Variants in GALNT2 observed in about 807,000 individuals in gnomAD.
GALNT2 encodes the protein UDP-GalNAc:polypeptide N-acetylgalactosaminyltransferase 2.
GALNT2 carries 31 observed loss-of-function variants against 81.4 expected under a neutral mutation model. The ratio of observed to expected loss-of-function variants is 0.38; its 90% CI spans 0.29 to 0.51. The LOEUF is 0.51. Among genes scored for constraint, GALNT2 ranks in the 20% least tolerant of loss-of-function variants. GALNT2 has a pLI of 0.87. For missense variants in GALNT2, 629 were observed against 765.7 expected (o/e 0.82, Z 2.11); for synonymous variants, 303 against 287.4 (o/e 1.05, Z -0.55).
At chr1:230,251,326 CAG>C (rs1665539322) in intron 10 of GALNT2, among the ~76,000 whole-genome samples, 1 of 151,996 alleles carries the variant, frequency 6.6e-6, no homozygotes, top group Non-Finnish European at 1.5e-5. Flanking sequence ...CCCTGGAGGA[CAG>C]GGGAGAAGGA....
At chr1:230,136,261 A>G (rs1661534821) in intron 1 of GALNT2, among the ~76,000 whole-genome samples, 1 of 152,138 alleles carries the variant, frequency 6.6e-6, no homozygotes, top group African/African-American at 2.4e-5. Context: ...TTTTAGTGCC[A>G]CGTTGATTGG....
chr1:230,210,422 G>C (rs755766489), intron 3 of GALNT2, among the ~76,000 whole-genome samples: 1 of 152,120 alleles, frequency 6.6e-6, no homozygotes, highest in Non-Finnish European at 1.5e-5. Context: ...GGTTTCAAAC[G>C]TTTAGTTATT....
In GALNT2 at chr1:230,242,519, A is replaced by G. The variant is rs1324073241; in HGVS notation, c.608-787A>G. On this transcript the variant is annotated intron_variant, in intron 6 of 15. Transcript: ENST00000366672. ...CACAACATCCAGGGATAAATATACT[A>G]TTATTTATTTTATTTTATTTTTTAT... 6.6e-5 allele frequency among the ~76,000 whole-genome samples: 10 copies of G among 152,108 alleles called. No homozygotes were observed. The East Asian group carries it at 1.9e-3, about 29-fold the overall frequency.
At chr1:230,087,973 C>T (rs552679003) in intron 1 of GALNT2, among the ~76,000 whole-genome samples, 1 of 152,246 alleles carries the variant, frequency 6.6e-6, no homozygotes, top group South Asian at 2.1e-4. Flanking sequence ...AAGAAAAATA[C>T]AAGTTTTCTT....
At chr1:230,174,430 C>T (rs1342108192) in intron 1 of GALNT2, among the ~76,000 whole-genome samples, 2 of 152,146 alleles carry the variant, frequency 1.3e-5, no homozygotes, top group African/African-American at 4.8e-5. Flanking sequence ...GCAGATGCCT[C>T]CTCTTGGTAT....
rs891591687 is a variant in GALNT2 at position 230,278,047 on chromosome 1, G to A, written c.1561-1256G>A. On this transcript the variant is annotated intron_variant, in intron 15 of 15. Transcript: ENST00000366672. ...AACGAGCTTTGGGGAAGAAAAAAAT[G>A]TTACTTTTTTTTTTTAAGAACAAAC... Among the ~76,000 whole-genome samples the A allele has an allele frequency of 5.4e-5, 8 of 146,920 alleles. No homozygotes were observed. The South Asian group carries it at 1.7e-3, about 32-fold the overall frequency.
At chr1:230,195,854 G>T (rs1663678455) in intron 2 of GALNT2, among the ~76,000 whole-genome samples, 1 of 152,130 alleles carries the variant, frequency 6.6e-6, no homozygotes, top group South Asian at 2.1e-4. Flanking sequence ...TGAGTTTGGG[G>T]CTTGCAGGGG....
Position 230,090,789 on chromosome 1 carries a change from T to C in GALNT2, c.126+23383T>C, listed in dbSNP as rs933947435. Among the ~76,000 whole-genome samples, 5 of 152,212 alleles carry C rather than the reference T, an allele frequency of 3.3e-5. No homozygotes were observed. The East Asian group carries it at 5.8e-4, about 18-fold the overall frequency. On this transcript the variant is annotated intron_variant, in intron 1 of 15. Transcript: ENST00000366672. ...TGTGTAAATCACAGGTAATTAAATATGAGTTAAAGTAAGAGAGAGACCCTT... is the reference window on the plus strand; with the variant it reads ...TGTGTAAATCACAGGTAATTAAATACGAGTTAAAGTAAGAGAGAGACCCTT...
chr1:230,139,311 C>T (rs1661654696), intron 1 of GALNT2, among the ~76,000 whole-genome samples: 1 of 152,196 alleles, frequency 6.6e-6, no homozygotes. Flanking sequence ...ATCGTTGAAG[C>T]CAAGTGCTCC....
At chr1:230,237,007 C>A (rs1440203684) in intron 6 of GALNT2, among the ~76,000 whole-genome samples, 1 of 152,116 alleles carries the variant, frequency 6.6e-6, no homozygotes, top group Non-Finnish European at 1.5e-5. Flanking sequence ...TCTTATCAGT[C>A]CCTTGAATAC....
chr1:230,124,645 T>C (rs1661118214), intron 1 of GALNT2, among the ~76,000 whole-genome samples: 1 of 152,216 alleles, frequency 6.6e-6, no homozygotes, highest in Admixed American at 6.5e-5. Context: ...CTGCTGTTCC[T>C]GAACAATCTG....
chr1:230,091,723 C>T (rs1660088900), intron 1 of GALNT2: 2 of 152,294 alleles, frequency 1.3e-5, no homozygotes, highest in Admixed American at 1.3e-4. Flanking sequence ...TTGGTCCTTC[C>T]TGTTGGCTTC....
rs543990133 is a variant in GALNT2, at chr1:230,119,262, C to G, written c.126+51856C>G. ...TGGTCATTTCATTGACTTGTGCGTA[C>G]AGGTTTTTGTGAAGGGAGCTGGGAA... On this transcript the variant is annotated intron_variant, in intron 1 of 15. Coordinates refer to ENST00000366672, the MANE Select transcript of GALNT2 (RefSeq NM_004481.5). Among the ~76,000 whole-genome samples, 3 of 152,168 alleles carry G rather than the reference C, an allele frequency of 2.0e-5. No individual in the cohort carries two copies. In the East Asian group the frequency reaches 5.8e-4, roughly 29 times the overall value.
chr1:230,172,532 T>A (rs553977017), intron 1 of GALNT2, among the ~76,000 whole-genome samples: 5 of 152,324 alleles, frequency 3.3e-5, no homozygotes, highest in Middle Eastern at 6.8e-3. Flanking sequence ...CCCTTCTGGA[T>A]CCTTTTTGCC....
chr1:230,209,737 G>A (rs577911817), intron 3 of GALNT2, among the ~76,000 whole-genome samples: 49 of 152,268 alleles, frequency 3.2e-4, no homozygotes, highest in Admixed American at 7.2e-4. Flanking sequence ...CAGCTACAAG[G>A]GAGGCTGAAG....
intron 1 of GALNT2, among the ~76,000 whole-genome samples, chr1:230,149,519 T>C (rs1448684378): frequency 2.6e-5 from 4 of 152,290 alleles, no homozygotes; most frequent in Middle Eastern, 3.4e-3. Context: ...GTAGTAGTGA[T>C]TCTAGGATGA....
chr1:230,265,512 C>A, intron 14 of GALNT2, 145 bp downstream of exon 14: 2 of 1,117,018 alleles, frequency 1.8e-6, no homozygotes, highest in Non-Finnish European at 2.6e-6. Context: ...CTGGCCACAG[C>A]CTCTTTGGCA....
intron 10 of GALNT2, 41 bp from the exon 11 acceptor site, chr1:230,255,172 GCGTCC>G (rs1196806067): frequency 1.9e-6 from 3 of 1,613,684 alleles, no homozygotes; most frequent in Admixed American, 3.3e-5. Context: ...TTGCAGAGGT[GCGTCC>G]CAGGCTCTGT....
chr1:230,125,382 G>A (rs954702419), intron 1 of GALNT2, among the ~76,000 whole-genome samples: 4 of 152,150 alleles, frequency 2.6e-5, no homozygotes, highest in African/African-American at 9.7e-5. Context: ...GTTTCCTAGC[G>A]ACCCCTCCCT....
Sources: gnomAD v4.1 joint callset for allele counts (sites outside exome capture counted in the v4.1 genomes callset) on GRCh38, gnomAD v4.1.1 for gene constraint, MANE v1.5 for transcripts, NCBI Gene and HGNC (gene_info 2026-07-23, HGNC 2026-07-21) for gene names.